Variants in FER1L6 observed in about 807,000 individuals in gnomAD.
The protein encoded by FER1L6 is fer-1-like protein 6.
Under a neutral mutation model 219.2 loss-of-function variants are expected in FER1L6, and 177 were observed. The observed-to-expected ratio is 0.81, with a 90% confidence interval of 0.71 to 0.91. The LOEUF (loss-of-function observed/expected upper bound fraction) is 0.91. Ranked by LOEUF, FER1L6 falls within the 40% of genes least tolerant of loss-of-function variation. The probability of loss-of-function intolerance (pLI) is 0.00; values close to 1 mark genes in which losing one functional copy is unlikely to be tolerated. For missense variants in FER1L6, 2,153 were observed against 2,259.9 expected (o/e 0.95, Z 0.96); for synonymous variants, 768 against 824.3 (o/e 0.93, Z 1.17).
At chr8:123,881,656 C>T (rs960598927) in intron 1 of FER1L6, among the ~76,000 whole-genome samples, 8 of 152,150 alleles carry the variant, frequency 5.3e-5, no homozygotes, top group African/African-American at 1.7e-4. Context: ...AGCTTCAATA[C>T]CGTAGACCCT....
At position 124,111,648 on chromosome 8, in the gene FER1L6, T is replaced by C. The variant is rs1176490275; in HGVS notation, c.5290-7196T>C. Among the ~76,000 whole-genome samples the C allele has an allele frequency of 6.6e-6, 1 of 152,228 alleles. No individual in the cohort carries two copies. Among genetic ancestry groups the C allele is most frequent in the African/African-American group, 2.4e-5 (1 of 41,464 alleles). On this transcript the variant is annotated intron_variant, in intron 39 of 40. Coordinates refer to ENST00000522917, the MANE Select transcript of FER1L6 (RefSeq NM_001039112.2). The surrounding 1 kb of genome is among the most constrained non-coding windows in gnomAD (Gnocchi z 5.0). Reference sequence around the variant, plus strand: ...GGGGTGGATTCATGCCTTCTCTTTTTAGACCATATAGGGTAACTTCCTGAC... The same window carrying C: ...GGGGTGGATTCATGCCTTCTCTTTTCAGACCATATAGGGTAACTTCCTGAC...
At chr8:124,005,941 C>G (rs2130526596) in intron 13 of FER1L6, among the ~76,000 whole-genome samples, 1 of 152,226 alleles carries the variant, frequency 6.6e-6, no homozygotes, top group East Asian at 1.9e-4. Flanking sequence ...CCTGAATTTT[C>G]TAAACCCTGT....
intron 39 of FER1L6, among the ~76,000 whole-genome samples, chr8:124,109,086 C>T (rs1277568168): frequency 6.6e-6 from 1 of 152,014 alleles, no homozygotes; most frequent in Non-Finnish European, 1.5e-5. Context: ...GATATGGACA[C>T]GTGTGGATGG....
intron 1 of FER1L6, among the ~76,000 whole-genome samples, chr8:123,934,182 C>A (rs1034392762): frequency 2.0e-5 from 3 of 152,172 alleles, no homozygotes; most frequent in Admixed American, 2.0e-4. Context: ...GGCGCCACGT[C>A]GATCTCAGTT....
rs895750686 is a variant in FER1L6 at position 123,853,731 on chromosome 8, G to T, written c.-8+1546G>T. Among the ~76,000 whole-genome samples the T allele has an allele frequency of 6.6e-6, 1 of 152,206 alleles. No homozygotes were observed. Among genetic ancestry groups the T allele is most frequent in the Non-Finnish European group, 1.5e-5 (1 of 68,044 alleles). On this transcript the variant is annotated intron_variant, in intron 1 of 40. Transcript: ENST00000522917. The surrounding 1 kb of genome is among the most constrained non-coding windows in gnomAD (Gnocchi z 6.6). ...CTCATGGCTATGATGAAGACCTGGA[G>T]GAGGAAAAGGCCAGAAAGCTGCAGA...
chr8:123,902,965 G>A (rs1012629896), intron 1 of FER1L6, among the ~76,000 whole-genome samples: 2 of 152,080 alleles, frequency 1.3e-5, no homozygotes, highest in African/African-American at 4.8e-5. Flanking sequence ...AAGATTTAGA[G>A]CTCTTTTTAG....
chr8:123,972,569 C>T (rs746399124), intron 6 of FER1L6, among the ~76,000 whole-genome samples: 5 of 152,226 alleles, frequency 3.3e-5, no homozygotes, highest in Non-Finnish European at 7.4e-5. Context: ...ATAGGGAGGT[C>T]GCTACCTCTA....
chr8:123,880,091 C>T (rs1016724633), intron 1 of FER1L6, among the ~76,000 whole-genome samples: 5 of 152,198 alleles, frequency 3.3e-5, no homozygotes, highest in Admixed American at 2.0e-4. Context: ...CTAAGGTTCT[C>T]GGAGAAAGCA....
chr8:123,921,976 G>T (rs1264119992), intron 1 of FER1L6, among the ~76,000 whole-genome samples: 1 of 152,180 alleles, frequency 6.6e-6, no homozygotes, highest in African/African-American at 2.4e-5. Flanking sequence ...GATGGGCTGG[G>T]CCAAGCAGCA....
At chr8:124,046,976 A>T (rs1049072835) in intron 21 of FER1L6, among the ~76,000 whole-genome samples, 6 of 152,206 alleles carry the variant, frequency 3.9e-5, no homozygotes, top group African/African-American at 1.4e-4. Flanking sequence ...AATTGGGGAT[A>T]GATGTGTATA....
At chr8:124,091,971 A>T (rs1166427407) in intron 34 of FER1L6, among the ~76,000 whole-genome samples, 5 of 5,488 alleles carry the variant, frequency 9.1e-4, no homozygotes, top group Non-Finnish European at 2.5e-3. Context: ...AAGTCTTAAA[A>T]AAAAAAAAAA....
intron 1 of FER1L6, among the ~76,000 whole-genome samples, chr8:123,895,415 A>G (rs1345918976): frequency 1.3e-5 from 2 of 152,166 alleles, no homozygotes; most frequent in African/African-American, 4.8e-5. Flanking sequence ...TTCCCTTTCT[A>G]TCTCTATTCC....
intron 1 of FER1L6, among the ~76,000 whole-genome samples, chr8:123,927,106 C>T (rs1586474812): frequency 1.3e-5 from 2 of 150,632 alleles, no homozygotes; most frequent in Non-Finnish European, 1.5e-5. Context: ...AGTAAGAACA[C>T]TGGAGCCCAG....
intron 33 of FER1L6, among the ~76,000 whole-genome samples, chr8:124,085,831 C>A (rs1821765144): frequency 6.6e-6 from 1 of 152,066 alleles, no homozygotes; most frequent in African/African-American, 2.4e-5. Context: ...TTGAAATCTC[C>A]AGCTATTATT....
At chr8:123,946,925 G>A (rs79002881) in intron 1 of FER1L6, among the ~76,000 whole-genome samples, 3,343 of 152,216 alleles carry the variant, frequency 0.022, 93 homozygotes, top group African/African-American at 0.071. Flanking sequence ...CTAGTGCAGT[G>A]CTTGGAACAC....
Position 123,975,289 on chromosome 8 carries a change from C to G in FER1L6, c.666C>G (p.Thr222=). Residue 222 remains threonine (T), a synonymous_variant, in exon 8 of 41, where the codon ACC becomes ACG. Transcript: ENST00000522917. ...VLKTSPKTSD[T]EEPIEKNLLI... is the part of the protein sequence containing the mutation. ...AGACCAGCCCTAAAACTTCTGACAC[C>G]GAGGAGCCAATAGAAAAGTAAGACA... 1 of 1,609,096 alleles carries G rather than the reference C, an allele frequency of 6.2e-7. No individual in the cohort carries two copies. The highest frequency in any genetic ancestry group is 8.5e-7 in the Non-Finnish European group (1 of 1,177,318).
At chr8:123,921,361 ATTTTTAT>A (rs944854424) in intron 1 of FER1L6, among the ~76,000 whole-genome samples, 2 of 151,712 alleles carry the variant, frequency 1.3e-5, no homozygotes, top group African/African-American at 2.4e-5. Context: ...TATTTTCTGT[ATTTTTAT>A]TTTTTAAGTT....
intron 1 of FER1L6, among the ~76,000 whole-genome samples, chr8:123,881,912 G>A (rs1284314153): frequency 6.6e-6 from 1 of 152,154 alleles, no homozygotes; most frequent in Non-Finnish European, 1.5e-5. Context: ...AGAATTTAGG[G>A]GCTGAGCTGC....
intron 1 of FER1L6, among the ~76,000 whole-genome samples, chr8:123,883,481 C>T (rs1331785941): frequency 6.6e-6 from 1 of 152,198 alleles, no homozygotes; most frequent in East Asian, 1.9e-4. Flanking sequence ...AGTAAACACT[C>T]AGTGGATGTT....
Sources: allele counts gnomAD v4.1 joint callset (sites outside exome capture counted in the v4.1 genomes callset), GRCh38; gene constraint gnomAD v4.1.1; non-coding constraint Gnocchi (gnomAD v3.1); transcripts MANE v1.5; gene names NCBI Gene and HGNC (gene_info 2026-07-23, HGNC 2026-07-21).